CSMD1: variants seen among roughly 807,000 people sequenced by gnomAD.
The protein encoded by CSMD1 is CUB and sushi domain-containing protein 1.
CSMD1 carries 213 observed loss-of-function variants against 417.5 expected under a neutral mutation model. The ratio of observed to expected loss-of-function variants is 0.51; its 90% CI spans 0.46 to 0.57. CSMD1 has a LOEUF of 0.57. Ranked by LOEUF, CSMD1 falls within the 20% of genes least tolerant of loss-of-function variation. The probability of loss-of-function intolerance (pLI) is 0.00; values close to 1 mark genes in which losing one functional copy is unlikely to be tolerated. For synonymous variants in CSMD1, 2,862 were observed against 1,736.8 expected, an observed-to-expected ratio of 1.65 and a Z score of -16.11; for missense variants, 6,923 against 4,529.7, an observed-to-expected ratio of 1.53 and a Z score of -15.17.
At chr8:3,935,399 T>C (rs991170367) in intron 5 of CSMD1, among the ~76,000 whole-genome samples, 17 of 152,358 alleles carry the variant, frequency 1.1e-4, no homozygotes, top group African/African-American at 2.4e-4. Flanking sequence ...CTTTGCTCTA[T>C]TGCATTTTGC....
chr8:4,884,496 G>C (rs886350595), intron 1 of CSMD1, among the ~76,000 whole-genome samples: 3 of 151,872 alleles, frequency 2.0e-5, no homozygotes, highest in African/African-American at 7.3e-5. Flanking sequence ...TTCTTTGTAA[G>C]GATTTTATAA....
chr8:3,420,946 A>G (rs1813449561), intron 12 of CSMD1, among the ~76,000 whole-genome samples: 1 of 152,158 alleles, frequency 6.6e-6, no homozygotes, highest in Non-Finnish European at 1.5e-5. Context: ...AGAATTTATT[A>G]TATATTAAAG....
intron 5 of CSMD1, among the ~76,000 whole-genome samples, chr8:3,757,872 A>C (rs111282774): frequency 3.8e-5 from 5 of 132,198 alleles, no homozygotes; most frequent in African/African-American, 1.4e-4. Flanking sequence ...AACAAACAAA[A>C]AAAACCAACA....
chr8:4,152,726 C>G (rs1323325452), intron 3 of CSMD1, among the ~76,000 whole-genome samples: 2 of 151,612 alleles, frequency 1.3e-5, no homozygotes, highest in Non-Finnish European at 2.9e-5. Context: ...TATACACACA[C>G]ACAATAGATA....
chr8:3,512,524 CTGGTGGGCTGGTGGGT>C (rs35992613), intron 10 of CSMD1, among the ~76,000 whole-genome samples: 23,607 of 151,170 alleles, frequency 0.16, 2,005 homozygotes, highest in Admixed American at 0.22. Flanking sequence ...GGCTGGTGGG[CTGGTGGGCTGGTGGGT>C]GAGTCCACAG....
At chr8:3,554,399 G>C (rs181856489) in intron 10 of CSMD1, among the ~76,000 whole-genome samples, 2 of 152,218 alleles carry the variant, frequency 1.3e-5, no homozygotes, top group Non-Finnish European at 2.9e-5. Flanking sequence ...GGAAGACAAT[G>C]AAGCCCCCTC....
chr8:3,873,361 T>C (rs989024551), intron 5 of CSMD1, among the ~76,000 whole-genome samples: 1 of 151,856 alleles, frequency 6.6e-6, no homozygotes, highest in Non-Finnish European at 1.5e-5. Context: ...TACCATATAA[T>C]ACTATCAAGA....
intron 6 of CSMD1, among the ~76,000 whole-genome samples, chr8:3,713,406 G>T (rs1177987289): frequency 6.6e-6 from 1 of 152,092 alleles, no homozygotes; most frequent in Non-Finnish European, 1.5e-5. Flanking sequence ...GCTACTTGAT[G>T]CCACTTCTTT....
intron 6 of CSMD1, among the ~76,000 whole-genome samples, chr8:3,715,551 T>C (rs1055650857): frequency 6.6e-6 from 1 of 152,188 alleles, no homozygotes; most frequent in African/African-American, 2.4e-5. Context: ...TTATTTAGTT[T>C]TAGCTTTTTG....
intron 3 of CSMD1, among the ~76,000 whole-genome samples, chr8:4,109,633 C>A (rs1215878247): frequency 6.6e-6 from 1 of 152,192 alleles, no homozygotes; most frequent in Non-Finnish European, 1.5e-5. Context: ...CTCTAGACAA[C>A]ATCATTGGCA....
intron 3 of CSMD1, among the ~76,000 whole-genome samples, chr8:4,050,892 T>A (rs772841524): frequency 6.6e-6 from 1 of 152,108 alleles, no homozygotes; most frequent in East Asian, 1.9e-4. Flanking sequence ...AGATTAAAAA[T>A]AAGCCTACCT....
intron 2 of CSMD1, among the ~76,000 whole-genome samples, chr8:4,597,151 C>G (rs1335182840): frequency 1.3e-5 from 2 of 151,944 alleles, no homozygotes; most frequent in African/African-American, 2.4e-5. Context: ...AAAGCAGTTT[C>G]CTCTCCTCAG....
chr8:4,150,283 G>T (rs1487662455), intron 3 of CSMD1, among the ~76,000 whole-genome samples: 1 of 152,134 alleles, frequency 6.6e-6, no homozygotes, highest in African/African-American at 2.4e-5. Flanking sequence ...AGATGTAGAA[G>T]TCTCCAAGCT....
intron 3 of CSMD1, among the ~76,000 whole-genome samples, chr8:4,132,342 C>G (rs574583368): frequency 1.3e-3 from 198 of 151,972 alleles, no homozygotes; most frequent in African/African-American, 4.5e-3. Context: ...TATAAATGTC[C>G]TTTTCTGTAT....
intron 3 of CSMD1, among the ~76,000 whole-genome samples, chr8:4,311,600 G>A (rs538960867): frequency 6.6e-6 from 1 of 151,882 alleles, no homozygotes; most frequent in Non-Finnish European, 1.5e-5. Context: ...GTGGGCGCCT[G>A]TAGTCCCAGC....
intron 12 of CSMD1, among the ~76,000 whole-genome samples, chr8:3,417,265 G>T (rs941935292): frequency 2.0e-5 from 3 of 152,134 alleles, no homozygotes; most frequent in Non-Finnish European, 4.4e-5. Context: ...TTTGCTACTG[G>T]ATTGCAATTA....
intron 3 of CSMD1, among the ~76,000 whole-genome samples, chr8:4,192,582 T>G (rs947054446): frequency 6.6e-6 from 1 of 152,212 alleles, no homozygotes; most frequent in Non-Finnish European, 1.5e-5. Flanking sequence ...ATTTTACTCT[T>G]CATCAGCTTT....
At chr8:4,426,541 A>T (rs1585055713) in intron 2 of CSMD1, among the ~76,000 whole-genome samples, 2 of 147,472 alleles carry the variant, frequency 1.4e-5, no homozygotes, top group Non-Finnish European at 3.0e-5. Flanking sequence ...ATACTGTATA[A>T]TATATAGGAT....
At chr8:4,671,834 G>C (rs1024402752) in intron 1 of CSMD1, among the ~76,000 whole-genome samples, 5 of 152,098 alleles carry the variant, frequency 3.3e-5, no homozygotes, top group Non-Finnish European at 5.9e-5. Context: ...TTACGTTTGA[G>C]GAGTTTCATT....
Sources: allele counts gnomAD v4.1 joint callset (sites outside exome capture counted in the v4.1 genomes callset), GRCh38; gene constraint gnomAD v4.1.1; transcripts MANE v1.5; gene names NCBI Gene and HGNC (gene_info 2026-07-23, HGNC 2026-07-21).